Variants in SCRG1 observed in about 807,000 individuals in gnomAD.
The protein encoded by SCRG1 is stimulator of chondrogenesis 1.
In SCRG1, 3 loss-of-function variants were observed where a neutral mutation model predicts 7.7. That is an observed-to-expected ratio of 0.39 (90% CI 0.18 to 1.01). The LOEUF is 1.01. Ranked by LOEUF, SCRG1 falls within the 50% of genes least tolerant of loss-of-function variation. The pLI is 0.36. For synonymous variants in SCRG1, 46 were observed against 41.2 expected (o/e 1.12, Z -0.44); for missense variants, 110 against 117.2 (o/e 0.94, Z 0.28).
chr4:173,517,793 A>C, the SCRG1 span, among the ~76,000 whole-genome samples: 1 of 152,254 alleles, frequency 6.6e-6, no homozygotes, highest in Non-Finnish European at 1.5e-5. Flanking sequence ...GCCACAAAAG[A>C]GCCTGGTCTG....
In SCRG1 at chr4:173,386,301, A is replaced by ATTTTTTTTTTTTTTTTTTTT. The variant is rs11302799; in HGVS notation, c.*2020_*2039dup. On this transcript the variant is annotated 3_prime_UTR_variant, in exon 3 of 3. Transcript: ENST00000296506. ...AGGCGCCTGCCACCACGCCCAGCTA[A>ATTTTTTTTTTTTTTTTTTTT]TTTTTTTTTTTTTTTTTTTTGTATT... 1 of 117,026 alleles carries ATTTTTTTTTTTTTTTTTTTT rather than the reference A, an allele frequency of 8.5e-6. No homozygotes were observed. The highest frequency in any genetic ancestry group is 3.1e-5 in the African/African-American group (1 of 32,526). The allele number at this position is 117,026 out of a possible 1,614,324, so 7.2% of individuals were successfully genotyped here.
intron 1 of SCRG1, among the ~76,000 whole-genome samples, chr4:173,405,484 C>CATGGTCCA (rs1739876774): frequency 6.6e-6 from 1 of 152,198 alleles, no homozygotes; most frequent in African/African-American, 2.4e-5. Context: ...AGTCCCTATG[C>CATGGTCCA]ATGGTCCATA....
chr4:173,503,313 G>A, the SCRG1 span, among the ~76,000 whole-genome samples: 4 of 152,318 alleles, frequency 2.6e-5, no homozygotes, highest in Admixed American at 6.5e-5. The surrounding 1 kb of genome is among the most constrained non-coding windows in gnomAD (Gnocchi z 6.4). Context: ...AGGGTTGGAC[G>A]TGGACTTCCC....
At chr4:173,439,485 AG>A in the SCRG1 span, among the ~76,000 whole-genome samples, 1 of 149,150 alleles carries the variant, frequency 6.7e-6, no homozygotes, top group African/African-American at 2.5e-5. Flanking sequence ...ACTGCACTCC[AG>A]CCTGGGCAAC....
chr4:173,464,070 T>A, the SCRG1 span, among the ~76,000 whole-genome samples: 1 of 152,094 alleles, frequency 6.6e-6, no homozygotes, highest in Non-Finnish European at 1.5e-5. Context: ...TCTATTTCAG[T>A]GGAAGGGTGG....
At chr4:173,419,253 C>T in the SCRG1 span, 2,990 of 536,774 alleles carry the variant, frequency 5.6e-3, 81 homozygotes, top group African/African-American at 0.052. Flanking sequence ...GTTTAGCTCT[C>T]GGCAGCCCGC....
At chr4:173,453,847 C>T in the SCRG1 span, among the ~76,000 whole-genome samples, 4 of 152,010 alleles carry the variant, frequency 2.6e-5, no homozygotes, top group African/African-American at 9.7e-5. Context: ...GAAGCTGAGG[C>T]GGGTGGATCA....
chr4:173,426,740 A>G, the SCRG1 span, among the ~76,000 whole-genome samples: 2,408 of 152,326 alleles, frequency 0.016, 58 homozygotes, highest in African/African-American at 0.046. Context: ...AAGTGCTGGG[A>G]TTACAGATGT....
chr4:173,483,274 T>TC, the SCRG1 span, among the ~76,000 whole-genome samples: 1 of 30,956 alleles, frequency 3.2e-5, no homozygotes, highest in East Asian at 1.1e-3. Context: ...ATATATGATA[T>TC]ATAATATATG....
upstream of SCRG1, among the ~76,000 whole-genome samples, chr4:173,409,664 C>T (rs61121131): frequency 2.6e-3 from 394 of 149,410 alleles, 1 homozygote; most frequent in East Asian, 9.2e-3. Flanking sequence ...TCTCAGCTCA[C>T]TGCAACCTCT....
In SCRG1 at chr4:173,384,791, A is replaced by G. The variant is rs1739201602; in HGVS notation, c.*3550T>C. The G allele has an allele frequency of 6.6e-6, 1 of 152,238 alleles. No individual in the cohort carries two copies. Among genetic ancestry groups the G allele is most frequent in the Admixed American group, 6.5e-5 (1 of 15,282 alleles). 9.4% of individuals were successfully genotyped at this position (152,238 alleles called of 1,614,324 possible). A position where few individuals can be genotyped will look rare whatever the true frequency, so the allele number is the denominator to read the frequency against. ...CTTTGTGCTCAGTAACGTGGGATTCACAGTAAGAACAATGATATAGAAAGT... is the reference window on the plus strand; with the variant it reads ...CTTTGTGCTCAGTAACGTGGGATTCGCAGTAAGAACAATGATATAGAAAGT... On this transcript the variant is annotated 3_prime_UTR_variant, in exon 3 of 3. Coordinates refer to ENST00000296506, the MANE Select transcript of SCRG1 (RefSeq NM_007281.4).
chr4:173,411,616 A>G, the SCRG1 span, among the ~76,000 whole-genome samples: 1 of 152,244 alleles, frequency 6.6e-6, no homozygotes. Context: ...TATATAAATA[A>G]AAATTAAAAA....
At chr4:173,449,778 C>T in the SCRG1 span, among the ~76,000 whole-genome samples, 1 of 152,162 alleles carries the variant, frequency 6.6e-6, no homozygotes, top group African/African-American at 2.4e-5. Context: ...TGCCATTTGA[C>T]ATTTTTGAGT....
chr4:173,482,828 A>G, the SCRG1 span, among the ~76,000 whole-genome samples: 1 of 148,414 alleles, frequency 6.7e-6, no homozygotes, highest in African/African-American at 2.5e-5. Context: ...ACACACACAC[A>G]TGCACACACA....
At chr4:173,440,561 C>A in the SCRG1 span, among the ~76,000 whole-genome samples, 4 of 152,222 alleles carry the variant, frequency 2.6e-5, no homozygotes, top group South Asian at 8.3e-4. Context: ...AATCTGGGAA[C>A]GGAGACATAT....
the SCRG1 span, among the ~76,000 whole-genome samples, chr4:173,422,576 A>G: frequency 3.3e-5 from 5 of 152,174 alleles, no homozygotes; most frequent in Non-Finnish European, 5.9e-5. Context: ...ACTAGCGGAC[A>G]CATCTTTAGA....
the SCRG1 span, among the ~76,000 whole-genome samples, chr4:173,442,006 TTC>T: frequency 6.6e-6 from 1 of 152,192 alleles, no homozygotes; most frequent in Non-Finnish European, 1.5e-5. Context: ...CCACACAAAG[TTC>T]AACTTTTGGC....
intron 1 of SCRG1, among the ~76,000 whole-genome samples, chr4:173,398,858 A>C (rs185389802): frequency 6.6e-6 from 1 of 152,194 alleles, no homozygotes; most frequent in African/African-American, 2.4e-5. Flanking sequence ...TAGTCAAGAA[A>C]TATACATTTT....
the SCRG1 span, among the ~76,000 whole-genome samples, chr4:173,500,107 T>C: frequency 6.6e-6 from 1 of 152,222 alleles, no homozygotes; most frequent in Non-Finnish European, 1.5e-5. Flanking sequence ...CCATCCTCTC[T>C]GGCCCCATCC....
Sources: allele counts gnomAD v4.1 joint callset (sites outside exome capture counted in the v4.1 genomes callset), GRCh38; gene constraint gnomAD v4.1.1; non-coding constraint Gnocchi (gnomAD v3.1); transcripts MANE v1.5; gene names NCBI Gene and HGNC (gene_info 2026-07-23, HGNC 2026-07-21).